Variants in SNX13 observed in about 807,000 individuals in gnomAD.
The protein encoded by SNX13 is sorting nexin-13.
In SNX13, 45 loss-of-function variants were observed where a neutral mutation model predicts 133.6. That is an observed-to-expected ratio of 0.34 (90% CI 0.27 to 0.43). SNX13 has a LOEUF of 0.43. Among genes scored for constraint, SNX13 ranks in the 20% least tolerant of loss-of-function variants. The pLI is 1.00. For missense variants in SNX13, 1,032 were observed against 1,145.1 expected (o/e 0.90, Z 1.43); for synonymous variants, 414 against 373.9 (o/e 1.11, Z -1.24).
At chr7:17,813,821 A>T (rs1219692141) in intron 20 of SNX13, among the ~76,000 whole-genome samples, 3 of 152,036 alleles carry the variant, frequency 2.0e-5, no homozygotes, top group Non-Finnish European at 4.4e-5. Context: ...CTTAGGCCCA[A>T]GCAATCCACC....
rs570677759 is a variant in SNX13 at position 17,870,515 on chromosome 7, A to T, written c.754-2025T>A. ...CCGGCCTAAAAGAGAAATTTATTTTAAAAAAATGTGCTCATTAAAATCCTA... is the reference window on the plus strand; with the variant it reads ...CCGGCCTAAAAGAGAAATTTATTTTTAAAAAATGTGCTCATTAAAATCCTA... On this transcript the variant is annotated intron_variant, in intron 8 of 25. Coordinates refer to ENST00000428135, the MANE Select transcript of SNX13 (RefSeq NM_015132.5). Among the ~76,000 whole-genome samples the T allele has an allele frequency of 6.2e-3, 946 of 152,266 alleles. 5 individuals carry two copies. The highest frequency in any genetic ancestry group is 0.01 in the Non-Finnish European group (698 of 67,998).
chr7:17,842,825 A>G (rs186528209), intron 12 of SNX13, among the ~76,000 whole-genome samples: 1 of 152,212 alleles, frequency 6.6e-6, no homozygotes, highest in African/African-American at 2.4e-5. Context: ...GTAAAGGAGC[A>G]AAGTTTTGAA....
At chr7:17,834,974 G>T in intron 13 of SNX13, 109 bp from the exon 14 acceptor site, 1 of 651,286 alleles carries the variant, frequency 1.5e-6, no homozygotes, top group Non-Finnish European at 2.5e-6. Flanking sequence ...TGGCAGGTAA[G>T]AATCATTGGT....
In SNX13 at chr7:17,845,659, C is replaced by T. The variant is rs773998383; in HGVS notation, c.1101G>A (p.Gly367=). 27 of 1,601,696 alleles carry T rather than the reference C, an allele frequency of 1.7e-5. No homozygotes were observed. Among genetic ancestry groups the T allele is most frequent in the Non-Finnish European group, 2.2e-5 (26 of 1,174,466 alleles). ...TGTCCAGGGGGACTGTGCAAAGTTTCCCAAAGTTTGCTGCAAGTTTCACAG... is the reference window on the plus strand; with the variant it reads ...TGTCCAGGGGGACTGTGCAAAGTTTTCCAAAGTTTGCTGCAAGTTTCACAG... The part of the protein sequence containing the change: ...INTVKLAANF[G]KLCTVPLDSI... The change falls in exon 12 of 26, where the codon GGG becomes GGA. Residue 367 remains glycine (G), a synonymous_variant. Coordinates refer to ENST00000428135, the MANE Select transcript of SNX13 (RefSeq NM_015132.5).
intron 20 of SNX13, among the ~76,000 whole-genome samples, chr7:17,810,953 C>A (rs1195755734): frequency 6.6e-6 from 1 of 152,042 alleles, no homozygotes; most frequent in East Asian, 1.9e-4. Flanking sequence ...AAATTCAACA[C>A]CCCTTCATGC....
At chr7:17,930,705 C>G (rs1801297831) in intron 1 of SNX13, among the ~76,000 whole-genome samples, 1 of 152,158 alleles carries the variant, frequency 6.6e-6, no homozygotes, top group African/African-American at 2.4e-5. Flanking sequence ...TGCCCTTCAA[C>G]CCCTGGGCCA....
intron 11 of SNX13, among the ~76,000 whole-genome samples, chr7:17,846,245 G>GAA (rs770235067): frequency 2.1e-4 from 29 of 140,984 alleles, no homozygotes; most frequent in Admixed American, 6.4e-4. Flanking sequence ...ACCTACATAT[G>GAA]AAAAAAAAAA....
Position 17,832,266 on chromosome 7 carries a change from G to T in SNX13, c.1597+1786C>A, listed in dbSNP as rs1788585116. ...GACTGCTTATAGTTTGCTTCCAATA[G>T]CTGTACTGAAGAAGACAGACTGGCT... is the stretch of plus-strand genomic sequence containing the variant. On this transcript the variant is annotated intron_variant, in intron 15 of 25. Transcript: ENST00000428135. 27 of 984,548 alleles carry T rather than the reference G, an allele frequency of 2.7e-5. No homozygotes were observed. The South Asian group carries it at 1.0e-3, about 38-fold the overall frequency. 61.0% of individuals were successfully genotyped at this position (984,548 alleles called of 1,614,324 possible). A position where few individuals can be genotyped will look rare whatever the true frequency, so the allele number is the denominator to read the frequency against.
intron 13 of SNX13, among the ~76,000 whole-genome samples, chr7:17,835,898 G>A (rs530007030): frequency 6.6e-6 from 1 of 151,764 alleles, no homozygotes; most frequent in Non-Finnish European, 1.5e-5. Flanking sequence ...TGTGTTTCGG[G>A]GGGTAGTAGA....
chr7:17,926,296 TA>T (rs1800748967), intron 1 of SNX13, among the ~76,000 whole-genome samples: 1 of 152,058 alleles, frequency 6.6e-6, no homozygotes, highest in African/African-American at 2.4e-5. Context: ...AAATTAGGAA[TA>T]TTTTTCCCCT....
At chr7:17,894,132 G>A (rs1339058621) in intron 2 of SNX13, among the ~76,000 whole-genome samples, 5 of 151,510 alleles carry the variant, frequency 3.3e-5, no homozygotes, top group African/African-American at 4.9e-5. Flanking sequence ...GTGAAACCCC[G>A]TCTCTACTAA....
chr7:17,813,409 C>G (rs1050279405), intron 20 of SNX13, among the ~76,000 whole-genome samples: 51 of 152,094 alleles, frequency 3.4e-4, no homozygotes, highest in African/African-American at 1.2e-3. Context: ...TTTTTCCCCT[C>G]CATTGTAAGG....
At chr7:17,909,146 AC>A (rs768198785) in intron 1 of SNX13, among the ~76,000 whole-genome samples, 20 of 152,126 alleles carry the variant, frequency 1.3e-4, no homozygotes, top group Non-Finnish European at 2.8e-4. Context: ...ATTAAAAAAA[AC>A]ATGAGATACC....
chr7:17,890,628 AC>A, intron 4 of SNX13, 144 bp from the exon 5 acceptor site: 1 of 467,028 alleles, frequency 2.1e-6, no homozygotes. Flanking sequence ...TGCCCTCATT[AC>A]AAAAACATCA....
chr7:17,874,050 A>G (rs1794415661), intron 7 of SNX13, among the ~76,000 whole-genome samples: 1 of 152,198 alleles, frequency 6.6e-6, no homozygotes, highest in African/African-American at 2.4e-5. Context: ...AAAAAAGAGT[A>G]TGCTCTTCTA....
chr7:17,900,067 T>C (rs1797651626), intron 1 of SNX13: 1 of 152,170 alleles, frequency 6.6e-6, no homozygotes, highest in Admixed American at 6.5e-5. Flanking sequence ...CTGAAAGACT[T>C]GTAGTGGTAT....
chr7:17,917,139 A>C (rs1045975508), intron 1 of SNX13, among the ~76,000 whole-genome samples: 1 of 152,186 alleles, frequency 6.6e-6, no homozygotes, highest in African/African-American at 2.4e-5. Context: ...AACCCTTCAC[A>C]AACTAGGCAT....
At chr7:17,936,984 G>A (rs1399527454) in intron 1 of SNX13, among the ~76,000 whole-genome samples, 5 of 144,458 alleles carry the variant, frequency 3.5e-5, no homozygotes, top group Non-Finnish European at 7.6e-5. Flanking sequence ...ACAACAGAAG[G>A]GGAAAAAAAC....
chr7:17,847,985 C>A (rs1790747420), intron 11 of SNX13, among the ~76,000 whole-genome samples: 1 of 152,156 alleles, frequency 6.6e-6, no homozygotes, highest in Non-Finnish European at 1.5e-5. Flanking sequence ...CGAAACACCA[C>A]CCCCTCAAGC....
Sources: gnomAD v4.1 joint callset for allele counts (sites outside exome capture counted in the v4.1 genomes callset) on GRCh38, gnomAD v4.1.1 for gene constraint, MANE v1.5 for transcripts, NCBI Gene and HGNC (gene_info 2026-07-23, HGNC 2026-07-21) for gene names.